Variants in DLG2 observed in about 807,000 individuals in gnomAD.
The protein encoded by DLG2 is discs large MAGUK scaffold protein 2, also known as disks large homolog 2.
In DLG2, 45 loss-of-function variants were observed where a neutral mutation model predicts 132.5. The observed-to-expected ratio is 0.34, with a 90% CI of 0.27 to 0.44. The LOEUF (loss-of-function observed/expected upper bound fraction) is 0.44. DLG2 is among the 20% of genes least tolerant of loss of function. The pLI, the probability that DLG2 is intolerant of heterozygous loss-of-function variation, is 1.00. For missense variants in DLG2, 1,045 were observed against 1,196.9 expected (o/e 0.87, Z 1.87); for synonymous variants, 424 against 419.6 (o/e 1.01, Z -0.13).
chr11:85,589,059 C>A (rs1336125725), intron 3 of DLG2, among the ~76,000 whole-genome samples: 1 of 152,170 alleles, frequency 6.6e-6, no homozygotes, highest in Non-Finnish European at 1.5e-5. Flanking sequence ...CCAGCGCCTG[C>A]CCTGTTGGAG....
intron 3 of DLG2, among the ~76,000 whole-genome samples, chr11:85,512,670 T>G (rs1391785817): frequency 6.6e-6 from 1 of 152,062 alleles, no homozygotes; most frequent in Non-Finnish European, 1.5e-5. Flanking sequence ...TAACAACTTT[T>G]TAATAAAAAG....
chr11:84,850,969 C>G (rs922195343), intron 6 of DLG2, among the ~76,000 whole-genome samples: 2 of 152,100 alleles, frequency 1.3e-5, no homozygotes, highest in East Asian at 3.9e-4. Context: ...GCTCTTCAAA[C>G]TAATCTACAA....
At chr11:84,226,053 C>T (rs888589766) in intron 8 of DLG2, among the ~76,000 whole-genome samples, 2 of 152,196 alleles carry the variant, frequency 1.3e-5, no homozygotes, top group Admixed American at 6.5e-5. Flanking sequence ...TCAAGTGATC[C>T]GCCTGCCTTG....
rs1303606338 is a variant in DLG2, at chr11:85,032,677, T to C, written c.357+78984A>G. Among the ~76,000 whole-genome samples the C allele has an allele frequency of 3.0e-4, 45 of 152,210 alleles. 1 individual carries two copies. The highest frequency in any genetic ancestry group is 2.9e-3 in the Admixed American group (45 of 15,282). The stretch of plus-strand genomic sequence containing the variant: ...CCATTCAGTGATAAGAAGTAAATTA[T>C]AGCCTATCACTTCTAGTTTTTACCA... On this transcript the variant is annotated intron_variant, in intron 6 of 27. Transcript: ENST00000376104.
intron 3 of DLG2, among the ~76,000 whole-genome samples, chr11:85,340,768 A>C (rs899402488): frequency 2.0e-5 from 3 of 152,204 alleles, no homozygotes; most frequent in Admixed American, 1.3e-4. Context: ...TGCAATTGGT[A>C]GTCAAATTTA....
chr11:83,593,427 A>G (rs899680716), intron 19 of DLG2, among the ~76,000 whole-genome samples: 30 of 152,064 alleles, frequency 2.0e-4, no homozygotes, highest in East Asian at 9.7e-4. Context: ...TCTCACTCAC[A>G]GGTGGGAATT....
At chr11:84,269,264 TC>T (rs2097688685) in intron 7 of DLG2, among the ~76,000 whole-genome samples, 1 of 152,246 alleles carries the variant, frequency 6.6e-6, no homozygotes. Flanking sequence ...TATTAGATGT[TC>T]CAGGCATATC....
intron 6 of DLG2, among the ~76,000 whole-genome samples, chr11:84,600,744 G>T (rs1223289984): frequency 6.6e-6 from 1 of 151,982 alleles, no homozygotes; most frequent in Non-Finnish European, 1.5e-5. Context: ...TAGCATTTTT[G>T]GGTATTTCTT....
intron 6 of DLG2, among the ~76,000 whole-genome samples, chr11:84,796,568 T>C (rs1217211849): frequency 6.6e-6 from 1 of 152,202 alleles, no homozygotes; most frequent in Non-Finnish European, 1.5e-5. Flanking sequence ...TAGCATTTCT[T>C]GTAAGACAGA....
intron 18 of DLG2, among the ~76,000 whole-genome samples, chr11:83,701,882 C>T (rs2083013049): frequency 6.6e-6 from 1 of 152,196 alleles, no homozygotes; most frequent in Admixed American, 6.5e-5. Flanking sequence ...TCACATAATG[C>T]TGAGTATACA....
intron 7 of DLG2, among the ~76,000 whole-genome samples, chr11:84,368,254 C>T (rs1246074941): frequency 6.6e-6 from 1 of 152,116 alleles, no homozygotes; most frequent in Non-Finnish European, 1.5e-5. Flanking sequence ...TATGCTCAAT[C>T]TACTTTTTCA....
chr11:83,753,460 CTG>C (rs1245675089), intron 18 of DLG2, among the ~76,000 whole-genome samples: 1 of 151,552 alleles, frequency 6.6e-6, no homozygotes, highest in Non-Finnish European at 1.5e-5. Context: ...AAACCAAAAA[CTG>C]AGATCTCTCC....
At chr11:84,685,315 A>G (rs959126660) in intron 6 of DLG2, among the ~76,000 whole-genome samples, 3 of 152,224 alleles carry the variant, frequency 2.0e-5, no homozygotes, top group African/African-American at 7.2e-5. Context: ...ATAGTCAACA[A>G]ATCTTTGATG....
chr11:84,694,753 T>C (rs2058437987), intron 6 of DLG2, among the ~76,000 whole-genome samples: 1 of 151,654 alleles, frequency 6.6e-6, no homozygotes, highest in Non-Finnish European at 1.5e-5. Context: ...CTTCTTTTTC[T>C]ATTTTTAGAC....
intron 7 of DLG2, among the ~76,000 whole-genome samples, chr11:84,460,875 G>T (rs78408473): frequency 0.016 from 2,405 of 150,822 alleles, 50 homozygotes; most frequent in African/African-American, 0.055. Context: ...AAAGCAGTTT[G>T]CCTAAATCCA....
chr11:85,243,368 C>T (rs1049742607), intron 4 of DLG2, among the ~76,000 whole-genome samples: 4 of 151,976 alleles, frequency 2.6e-5, no homozygotes, highest in African/African-American at 7.2e-5. Flanking sequence ...TTCAATTTTA[C>T]ATCCCAGACC....
intron 7 of DLG2, among the ~76,000 whole-genome samples, chr11:84,313,641 A>AAAAGAAAGAAAAG (rs2098321276): frequency 7.7e-6 from 1 of 129,180 alleles, no homozygotes; most frequent in Admixed American, 8.2e-5. Flanking sequence ...GAAAGAGAGA[A>AAAAGAAAGAAAAG]AAAGAAAGAA....
intron 16 of DLG2, among the ~76,000 whole-genome samples, chr11:83,842,376 A>G (rs562413898): frequency 6.6e-6 from 1 of 152,280 alleles, no homozygotes; most frequent in South Asian, 2.1e-4. Flanking sequence ...CGGGCGGATC[A>G]TGAGGTCAAG....
intron 3 of DLG2, among the ~76,000 whole-genome samples, chr11:85,523,035 C>T (rs950894407): frequency 5.3e-5 from 8 of 152,128 alleles, no homozygotes; most frequent in African/African-American, 7.2e-5. Context: ...GGCTTTGTGT[C>T]CCCACCCAAA....
Sources: allele counts gnomAD v4.1 joint callset (sites outside exome capture counted in the v4.1 genomes callset), GRCh38; gene constraint gnomAD v4.1.1; transcripts MANE v1.5; gene names NCBI Gene and HGNC (gene_info 2026-07-23, HGNC 2026-07-21).